The following SFSWAP variants were observed in gnomAD, a reference collection of about 807,000 sequenced individuals.
The protein encoded by SFSWAP is splicing factor, suppressor of white-apricot homolog.
In SFSWAP, 17 loss-of-function variants were observed where a neutral mutation model predicts 100.7. That is an observed-to-expected ratio of 0.17 (90% confidence interval 0.12 to 0.25). SFSWAP has a LOEUF of 0.25. Ranked by LOEUF, SFSWAP falls within the 10% of genes least tolerant of loss-of-function variation. The pLI is 1.00. For missense variants in SFSWAP, 1,005 were observed against 1,262.6 expected (o/e 0.80, Z 3.09); for synonymous variants, 504 against 510.1 (o/e 0.99, Z 0.16).
At chr12:131,786,230 G>C (rs532451280) in intron 14 of SFSWAP, among the ~76,000 whole-genome samples, 1 of 152,344 alleles carries the variant, frequency 6.6e-6, no homozygotes, top group South Asian at 2.1e-4. Flanking sequence ...CGATAAGTGT[G>C]TGGAACGGGA....
Position 131,755,450 on chromosome 12 carries a change from C to T in SFSWAP, c.1519C>T (p.Leu507Phe). 1 of 1,613,746 alleles carries T rather than the reference C, an allele frequency of 6.2e-7. No homozygotes were observed. The highest frequency in any genetic ancestry group is 2.2e-5 in the East Asian group (1 of 44,884). ...AYYEFKKQFFLQKEGGDSMQA... is the reference protein window; with the variant it reads ...AYYEFKKQFFFQKEGGDSMQA... ...TTATGAGTTTAAGAAGCAGTTCTTC[C>T]TCCAGAAAGAAGGGGGCGATAGCAT... Residue 507 changes from leucine (L) to phenylalanine (F), a missense_variant, in exon 10 of 18, where the codon CTC (leucine) becomes TTC (phenylalanine). Transcript: ENST00000261674.
At chr12:131,742,633 CTT>C (rs35922926) in intron 7 of SFSWAP, among the ~76,000 whole-genome samples, 34 of 142,378 alleles carry the variant, frequency 2.4e-4, no homozygotes, top group Non-Finnish European at 2.5e-4. Context: ...TGTTGGGGGA[CTT>C]TTTTTTTTTT....
At chr12:131,793,259 T>C (rs937432926) in intron 15 of SFSWAP, among the ~76,000 whole-genome samples, 1 of 151,868 alleles carries the variant, frequency 6.6e-6, no homozygotes, top group African/African-American at 2.4e-5. Context: ...TTTTTTTTTA[T>C]TGTGTGTAGA....
Position 131,754,401 on chromosome 12 carries a change from GC to G in SFSWAP, c.1362del (p.Asp455ThrfsTer5). The stretch of plus-strand genomic sequence containing the variant: ...CCCCCGTGGCCGCCATCATCCCCCC[GC>G]CCCCCGACGTCCAGCCCGTGATTGA... The part of the protein sequence containing the change: ...LAPVAAIIPP[P>X]PDVQPVIDKL... On this transcript the variant is annotated frameshift_variant, in exon 9 of 18. Coordinates refer to ENST00000261674, the MANE Select transcript of SFSWAP (RefSeq NM_004592.4). LOFTEE classifies it high-confidence loss of function. 7 of 1,563,638 alleles carry G rather than the reference GC, an allele frequency of 4.5e-6. No individual in the cohort carries two copies. The highest frequency in any genetic ancestry group is 1.9e-5 in the Admixed American group (1 of 51,830).
At position 131,750,822 on chromosome 12, in the gene SFSWAP, G is replaced by C. The variant is rs1371129749; in HGVS notation, c.1082-2301G>C. The stretch of plus-strand genomic sequence containing the variant: ...TCCTCCTGCCACAGCCTCCCAAGTA[G>C]CTGGGACTGTAGATGTGTACCATGC... On this transcript the variant is annotated intron_variant, in intron 7 of 17. Transcript: ENST00000261674. Among the ~76,000 whole-genome samples, 3 of 152,186 alleles carry C rather than the reference G, an allele frequency of 2.0e-5. No homozygotes were observed. The East Asian group carries it at 5.8e-4, about 29-fold the overall frequency.
chr12:131,779,775 T>C (rs1186915241), intron 14 of SFSWAP, among the ~76,000 whole-genome samples: 2 of 152,236 alleles, frequency 1.3e-5, no homozygotes, highest in Non-Finnish European at 2.9e-5. Flanking sequence ...TCTTTACTTA[T>C]TTATTTATTT....
intron 14 of SFSWAP, chr12:131,785,641 T>C (rs1470106659): frequency 6.3e-6 from 1 of 159,282 alleles, no homozygotes; most frequent in East Asian, 1.8e-4. Flanking sequence ...GCATCACCCC[T>C]GGAGGGGCGC....
Position 131,714,618 on chromosome 12 carries a change from A to G in SFSWAP, c.389-204A>G, listed in dbSNP as rs1877708374. 1.8e-6 allele frequency: 1 copy of G among 563,900 alleles called. No individual in the cohort carries two copies. The highest frequency in any genetic ancestry group is 3.1e-5 in the Admixed American group (1 of 32,384). The allele number at this position is 563,900 out of a possible 1,614,324, so 34.9% of individuals were successfully genotyped here. On this transcript the variant is annotated intron_variant, in intron 2 of 17. Coordinates refer to ENST00000261674, the MANE Select transcript of SFSWAP (RefSeq NM_004592.4). This position sits in a 1 kb window ranked among gnomAD's most constrained non-coding sequence, Gnocchi z 6.0. ...AAGAAATTTTCCACAAAAGACGTGT[A>G]TTCAGCTGTCTGTGGGTAAACATGT...
intron 13 of SFSWAP, among the ~76,000 whole-genome samples, chr12:131,772,630 G>A (rs868357174): frequency 3.9e-5 from 6 of 152,240 alleles, no homozygotes; most frequent in South Asian, 2.1e-4. Flanking sequence ...CTGGCCTCAC[G>A]GCAGCCTCCA....
At position 131,711,134 on chromosome 12, in the gene SFSWAP, A is replaced by G. The variant is rs1877277396; in HGVS notation, c.-96A>G. ...CGGCGGTGTTGAGGTTGGGTACGGG[A>G]TGCGGGGTCTTTGACTGAAGGGGTA... On this transcript the variant is annotated 5_prime_UTR_variant, in exon 1 of 18. An upstream start codon of the reference 5' UTR is lost. Coordinates refer to ENST00000261674, the MANE Select transcript of SFSWAP (RefSeq NM_004592.4). The surrounding 1 kb of genome is among the most constrained non-coding windows in gnomAD (Gnocchi z 4.9). 4 of 1,009,828 alleles carry G rather than the reference A, an allele frequency of 4.0e-6. No individual in the cohort carries two copies. The highest frequency in any genetic ancestry group is 4.2e-6 in the Non-Finnish European group (3 of 708,398). 62.6% of individuals were successfully genotyped at this position (1,009,828 alleles called of 1,614,324 possible). A position where few individuals can be genotyped will look rare whatever the true frequency, so the allele number is the denominator to read the frequency against.
At chr12:131,756,916 A>G in intron 11 of SFSWAP, 1 of 365,230 alleles carries the variant, frequency 2.7e-6, no homozygotes, top group Non-Finnish European at 4.9e-6. Context: ...AAAGTTTCAA[A>G]TAATCCTTTG....
At chr12:131,788,003 C>T (rs1398373469) in intron 15 of SFSWAP, among the ~76,000 whole-genome samples, 2 of 152,234 alleles carry the variant, frequency 1.3e-5, no homozygotes, top group African/African-American at 4.8e-5. Flanking sequence ...TGTCTGCTCT[C>T]ATACAATCTG....
chr12:131,778,078 C>T lies in SFSWAP; in HGVS notation c.2156C>T (p.Thr719Met), dbSNP rs149257438. The change falls in exon 14 of 18, where the codon ACG (threonine) becomes ATG (methionine). Residue 719 changes from threonine (T) to methionine (M), a missense_variant. Thr to Met is a moderately conservative substitution (Grantham distance 81, BLOSUM62 -1). Around this residue, in one of 7 missense-constraint regions of SFSWAP, gnomAD observed 295 missense variants for 347.9 expected, o/e 0.85. Coordinates refer to ENST00000261674, the MANE Select transcript of SFSWAP (RefSeq NM_004592.4). The surrounding 1 kb of genome is among the most constrained non-coding windows in gnomAD (Gnocchi z 4.2). ...SPFSVEESST[T>M]PCPLLTGGRP... is the part of the protein sequence containing the mutation. ...TTTTATTCTTAGGAATCCAGCACTA[C>T]GCCCTGCCCTCTACTGACTGGAGGC... 65 of 1,610,538 alleles carry T rather than the reference C, an allele frequency of 4.0e-5. No homozygotes were observed. The highest frequency in any genetic ancestry group is 4.7e-5 in the Non-Finnish European group (56 of 1,179,128).
chr12:131,763,927 C>T (rs1437953534), intron 11 of SFSWAP, among the ~76,000 whole-genome samples: 1 of 151,864 alleles, frequency 6.6e-6, no homozygotes, highest in Non-Finnish European at 1.5e-5. Context: ...GAGATCAAGA[C>T]CATCCTGGCT....
chr12:131,792,543 T>C (rs375014003), intron 15 of SFSWAP, among the ~76,000 whole-genome samples: 6 of 151,106 alleles, frequency 4.0e-5, no homozygotes, highest in South Asian at 2.1e-4. Context: ...GTACTGTGTG[T>C]GCGCCCGTGT....
intron 15 of SFSWAP, 95 bp downstream of exon 15, chr12:131,786,683 G>A (rs963574984): frequency 1.7e-5 from 24 of 1,372,080 alleles, no homozygotes; most frequent in Non-Finnish European, 3.9e-6. Flanking sequence ...GAGCAGAGCT[G>A]TGGATGACCA....
intron 4 of SFSWAP, among the ~76,000 whole-genome samples, chr12:131,719,968 C>T (rs1194570729): frequency 6.6e-6 from 1 of 152,166 alleles, no homozygotes. Flanking sequence ...GTTACATTTT[C>T]TTAGCAGTTT....
At chr12:131,723,396 T>G (rs1878667531) in intron 4 of SFSWAP, 1 of 152,196 alleles carries the variant, frequency 6.6e-6, no homozygotes, top group African/African-American at 2.4e-5. Flanking sequence ...GTCCCTCTAT[T>G]CCTTATGGCT....
In SFSWAP at chr12:131,711,831, T is replaced by C; in HGVS notation, c.218+384T>C. 4.5e-6 allele frequency: 1 copy of C among 224,692 alleles called. No homozygotes were observed. The allele number at this position is 224,692 out of a possible 1,614,324, so 13.9% of individuals were successfully genotyped here. On this transcript the variant is annotated intron_variant, in intron 1 of 17. Coordinates refer to ENST00000261674, the MANE Select transcript of SFSWAP (RefSeq NM_004592.4). This position sits in a 1 kb window ranked among gnomAD's most constrained non-coding sequence, Gnocchi z 4.9. ...GATGCCATGGGGTCGTGCGCTGCTT[T>C]TCTACTTGCCGCGCTCTCACTGCTC...
Sources: gnomAD v4.1 joint callset for allele counts (sites outside exome capture counted in the v4.1 genomes callset) on GRCh38, gnomAD v4.1.1 for gene constraint, gnomAD v4.1.1 regional missense constraint, Gnocchi (gnomAD v3.1) non-coding constraint, MANE v1.5 for transcripts, NCBI Gene and HGNC (gene_info 2026-07-23, HGNC 2026-07-21) for gene names.